DDX46: variants seen among roughly 807,000 people sequenced by gnomAD.
DDX46 encodes the protein DEAD-box helicase 46.
A neutral mutation model predicts 134.9 loss-of-function variants in DDX46; 30 were observed. The observed-to-expected ratio is 0.22, with a 90% confidence interval of 0.17 to 0.30. The LOEUF (loss-of-function observed/expected upper bound fraction) is 0.30, where lower values mean the gene tolerates loss of function less well. Ranked by LOEUF, DDX46 falls within the 10% of genes least tolerant of loss-of-function variation. The pLI is 1.00. For synonymous variants in DDX46, 415 were observed against 404.1 expected (o/e 1.03, Z -0.32); for missense variants, 622 against 1,248.7 (o/e 0.50, Z 7.56).
chr5:134,804,810 C>T, intron 15 of DDX46: 1 of 405,328 alleles, frequency 2.5e-6, no homozygotes. Context: ...GTGCCTTCAA[C>T]ACTTTCACCA....
intron 11 of DDX46, among the ~76,000 whole-genome samples, chr5:134,787,676 G>A (rs533675328): frequency 6.6e-6 from 1 of 152,240 alleles, no homozygotes; most frequent in African/African-American, 2.4e-5. Context: ...ATGATGTTAA[G>A]GGACTTCTGG....
chr5:134,798,797 T>C (rs1754742759), intron 15 of DDX46, among the ~76,000 whole-genome samples: 1 of 152,238 alleles, frequency 6.6e-6, no homozygotes, highest in Non-Finnish European at 1.5e-5. Flanking sequence ...ATCTGTGTTG[T>C]AGCATTTGTC....
At chr5:134,823,374 C>T (rs1264190199) in intron 21 of DDX46, among the ~76,000 whole-genome samples, 14 of 151,534 alleles carry the variant, frequency 9.2e-5, no homozygotes, top group Non-Finnish European at 8.8e-5. Context: ...CTCCTGACCT[C>T]GTGATCCTCC....
At chr5:134,825,789 T>A in intron 21 of DDX46, 1 of 152,198 alleles carries the variant, frequency 6.6e-6, no homozygotes, top group Non-Finnish European at 1.5e-5. Flanking sequence ...AACTTCTGGT[T>A]CATATTTCCA....
chr5:134,783,679 A>G (rs1754239197), intron 9 of DDX46, among the ~76,000 whole-genome samples: 1 of 146,492 alleles, frequency 6.8e-6, no homozygotes. Flanking sequence ...CCTCCCAAGT[A>G]GGTGGGATTA....
intron 3 of DDX46, among the ~76,000 whole-genome samples, chr5:134,769,477 C>T (rs1222592967): frequency 4.7e-5 from 7 of 150,264 alleles, no homozygotes; most frequent in East Asian, 3.9e-4. Context: ...ATTACAGGCA[C>T]GTGCCACCAT....
intron 11 of DDX46, 61 bp downstream of exon 11, chr5:134,785,647 A>T (rs1754309139): frequency 9.2e-6 from 14 of 1,528,378 alleles, no homozygotes; most frequent in Non-Finnish European, 2.6e-6. Context: ...GATTCAATAA[A>T]GTAAAAGTGA....
chr5:134,811,698 G>A lies in DDX46; in HGVS notation c.2289G>A (p.Glu763=), dbSNP rs77673420. The A allele has an allele frequency of 6.3e-5, 100 of 1,586,752 alleles. No homozygotes were observed. The East Asian group carries it at 2.2e-3, about 35-fold the overall frequency. ...WSDFKDQQKA[E]GKIIKKSSGF... is the part of the protein sequence containing the mutation. The stretch of plus-strand genomic sequence containing the variant: ...ACTTCGTTTTCTTTTTTTGAAAGGA[G>A]GGGAAAATAATTAAAAAGAGTAGTG... Residue 763 remains glutamate, a splice_region_variant and synonymous_variant, in exon 18 of 23, where the codon GAG becomes GAA. Coordinates refer to ENST00000452510, the MANE Select transcript of DDX46 (RefSeq NM_001300860.2).
intron 12 of DDX46, among the ~76,000 whole-genome samples, chr5:134,789,581 T>A (rs1161809171): frequency 5.3e-5 from 8 of 151,596 alleles, no homozygotes; most frequent in African/African-American, 2.0e-4. Flanking sequence ...GCTGATTAAA[T>A]AATCCCTTTT....
chr5:134,830,930 G>A lies in DDX46; in HGVS notation c.*2224G>A, dbSNP rs1755721852. On this transcript the variant is annotated 3_prime_UTR_variant, in exon 23 of 23. Transcript: ENST00000452510. The stretch of plus-strand genomic sequence containing the variant: ...TTTACATCATTTTAGCATTTTGTTT[G>A]TATATCAGTTGTGATGAGCCACTGA... 6.6e-6 allele frequency: 1 copy of A among 152,560 alleles called. No individual in the cohort carries two copies. 9.5% of individuals were successfully genotyped at this position (152,560 alleles called of 1,614,324 possible). A position where few individuals can be genotyped will look rare whatever the true frequency, so the allele number is the denominator to read the frequency against.
chr5:134,786,256 T>G (rs1263901994), intron 11 of DDX46, among the ~76,000 whole-genome samples: 1 of 152,160 alleles, frequency 6.6e-6, no homozygotes, highest in African/African-American at 2.4e-5. Context: ...TCAAACATGT[T>G]GTACACCTTA....
At chr5:134,759,509 T>A (rs891674060) in intron 1 of DDX46, among the ~76,000 whole-genome samples, 2 of 151,818 alleles carry the variant, frequency 1.3e-5, no homozygotes, top group South Asian at 4.1e-4. Context: ...CAGGTAACTT[T>A]GTTACCTGCT....
intron 6 of DDX46, among the ~76,000 whole-genome samples, chr5:134,779,531 A>ACAGG (rs1028765987): frequency 2.2e-4 from 34 of 151,648 alleles, no homozygotes; most frequent in African/African-American, 7.3e-4. Flanking sequence ...TTTTTTAGAG[A>ACAGG]CAGGGTCTCG....
chr5:134,783,035 T>G lies in DDX46; in HGVS notation c.1136T>G (p.Ile379Ser). The G allele has an allele frequency of 6.2e-7, 1 of 1,613,654 alleles. No individual in the cohort carries two copies. Among genetic ancestry groups the G allele is most frequent in the Non-Finnish European group, 8.5e-7 (1 of 1,179,718 alleles). Residue 379 changes from isoleucine (I) to serine (S), a missense_variant, in exon 9 of 23, where the codon ATT (isoleucine) becomes AGT (serine). By Grantham distance (142) the Ile-to-Ser change is moderately radical (BLOSUM62 -2). Coordinates refer to ENST00000452510, the MANE Select transcript of DDX46 (RefSeq NM_001300860.2). ...KPIKSWVQCG[I>S]SMKILNSLKK... ...ATTAAATCCTGGGTCCAGTGTGGAATTTCCATGAAGATCTTAAATTCCCTC... is the reference window on the plus strand; with the variant it reads ...ATTAAATCCTGGGTCCAGTGTGGAAGTTCCATGAAGATCTTAAATTCCCTC...
At chr5:134,777,789 A>G (rs576234823) in intron 6 of DDX46, 64 bp downstream of exon 6, 235 of 1,529,244 alleles carry the variant, frequency 1.5e-4, no homozygotes, top group Non-Finnish European at 1.8e-4. Context: ...TCTCCATTGC[A>G]TTGTCCTACT....
intron 15 of DDX46, among the ~76,000 whole-genome samples, chr5:134,799,651 T>C (rs1174397408): frequency 6.6e-6 from 1 of 151,012 alleles, no homozygotes; most frequent in Non-Finnish European, 1.5e-5. Flanking sequence ...GGCAGGAGAA[T>C]CGCTTAATCC....
chr5:134,791,377 G>A lies in DDX46; in HGVS notation c.1626+825G>A, dbSNP rs1271977920. On this transcript the variant is annotated intron_variant, in intron 13 of 22. Transcript: ENST00000452510. The stretch of plus-strand genomic sequence containing the variant: ...AGATCGAGACCATCCTGGCTTTCAC[G>A]GTGAAACCTCATATCTACTAAAAAT... Among the ~76,000 whole-genome samples the A allele has an allele frequency of 3.9e-5, 6 of 152,200 alleles. No homozygotes were observed. In the East Asian group the frequency reaches 1.2e-3, roughly 29 times the overall value.
chr5:134,794,758 T>G, intron 13 of DDX46, 92 bp from the exon 14 acceptor site: 20 of 1,487,068 alleles, frequency 1.3e-5, no homozygotes, highest in Non-Finnish European at 1.8e-5. Context: ...GAGACAGTTG[T>G]TCTCAAAAGT....
intron 18 of DDX46, among the ~76,000 whole-genome samples, chr5:134,815,706 CAAAAAA>C (rs374562980): frequency 1.0e-4 from 3 of 28,704 alleles, no homozygotes; most frequent in Non-Finnish European, 2.2e-4. Flanking sequence ...GACTCTGTCT[CAAAAAA>C]AAAAAAAAAA....
Sources: allele counts gnomAD v4.1 joint callset (sites outside exome capture counted in the v4.1 genomes callset), GRCh38; gene constraint gnomAD v4.1.1; transcripts MANE v1.5; gene names NCBI Gene and HGNC (gene_info 2026-07-23, HGNC 2026-07-21).